Variants in APBA2 observed in about 807,000 individuals in gnomAD.
APBA2 encodes the protein amyloid beta precursor protein binding family A member 2.
APBA2 carries 30 observed loss-of-function variants against 75.0 expected under a neutral mutation model. The observed-to-expected ratio is 0.40, with a 90% CI of 0.30 to 0.54. The LOEUF is 0.54. Ranked by LOEUF, APBA2 falls within the 20% of genes least tolerant of loss-of-function variation. APBA2 has a pLI of 0.49. For synonymous variants in APBA2, 444 were observed against 409.6 expected, an observed-to-expected ratio of 1.08 and a Z score of -1.01; for missense variants, 801 against 1,016.1, an observed-to-expected ratio of 0.79 and a Z score of 2.88.
intron 3 of APBA2, among the ~76,000 whole-genome samples, chr15:29,022,605 C>G (rs7176481): frequency 1.3e-5 from 2 of 151,708 alleles, no homozygotes; most frequent in African/African-American, 4.9e-5. Flanking sequence ...TATGGTAAAT[C>G]ATTATAGATG....
chr15:29,017,170 A>G (rs2039704095), intron 3 of APBA2, among the ~76,000 whole-genome samples: 1 of 151,944 alleles, frequency 6.6e-6, no homozygotes, highest in Non-Finnish European at 1.5e-5. Flanking sequence ...GGGCATCTGA[A>G]GGGCTGTGGT....
At chr15:29,011,959 G>T (rs193301631) in intron 3 of APBA2, among the ~76,000 whole-genome samples, 83 of 152,070 alleles carry the variant, frequency 5.5e-4, no homozygotes, top group African/African-American at 1.9e-3. Context: ...ACCAATATAG[G>T]TATATAAACT....
intron 3 of APBA2, among the ~76,000 whole-genome samples, chr15:29,003,657 T>A (rs59065220): frequency 0.079 from 12,007 of 152,248 alleles, 644 homozygotes; most frequent in East Asian, 0.27. Flanking sequence ...TTGTGAGGAA[T>A]CTGCACACGT....
intron 3 of APBA2, among the ~76,000 whole-genome samples, chr15:29,015,841 A>G (rs1381124812): frequency 2.0e-5 from 3 of 152,204 alleles, no homozygotes; most frequent in African/African-American, 7.2e-5. Flanking sequence ...GCCACCAGCC[A>G]TGTGACCCGG....
At chr15:28,888,320 G>T (rs1184786964) in intron 1 of APBA2, among the ~76,000 whole-genome samples, 8 of 152,202 alleles carry the variant, frequency 5.3e-5, no homozygotes. Context: ...AAGACACCTT[G>T]ATTTTTCCTA....
chr15:29,098,795 G>A (rs938310956), intron 9 of APBA2, among the ~76,000 whole-genome samples: 14 of 152,122 alleles, frequency 9.2e-5, no homozygotes, highest in African/African-American at 2.4e-4. Context: ...GGAGGTAGGT[G>A]GGAAGACCTG....
intron 3 of APBA2, among the ~76,000 whole-genome samples, chr15:29,006,689 T>G (rs1038591225): frequency 6.6e-6 from 1 of 152,076 alleles, no homozygotes; most frequent in Non-Finnish European, 1.5e-5. Context: ...CCATCAGATC[T>G]CATGAGATTT....
chr15:28,956,058 G>A (rs994676409), intron 2 of APBA2, among the ~76,000 whole-genome samples: 3 of 152,322 alleles, frequency 2.0e-5, no homozygotes, highest in Admixed American at 6.5e-5. Flanking sequence ...GTCCAGCTCT[G>A]GCCTGAGGAC....
chr15:29,114,603 G>A (rs998688566), intron 14 of APBA2, among the ~76,000 whole-genome samples: 9 of 151,930 alleles, frequency 5.9e-5, no homozygotes, highest in Non-Finnish European at 1.3e-4. Flanking sequence ...TAGTGTGAGC[G>A]AGTGTGGGTG....
At chr15:28,986,073 T>G (rs1421717328) in intron 2 of APBA2, among the ~76,000 whole-genome samples, 2 of 152,200 alleles carry the variant, frequency 1.3e-5, no homozygotes. Flanking sequence ...AATATCGTAA[T>G]GCAGTAAATC....
chr15:28,975,694 C>T (rs1388081021), intron 2 of APBA2, among the ~76,000 whole-genome samples: 1 of 152,120 alleles, frequency 6.6e-6, no homozygotes, highest in African/African-American at 2.4e-5. Flanking sequence ...GGGAGGGACA[C>T]CATAAGCAAA....
intron 3 of APBA2, among the ~76,000 whole-genome samples, chr15:29,006,451 A>G (rs2039119614): frequency 6.6e-6 from 1 of 152,242 alleles, no homozygotes; most frequent in South Asian, 2.1e-4. Flanking sequence ...AGATTAGAAG[A>G]CAATATTGTT....
At chr15:28,927,589 T>C (rs1298118572) in intron 2 of APBA2, among the ~76,000 whole-genome samples, 3 of 151,628 alleles carry the variant, frequency 2.0e-5, no homozygotes, top group Admixed American at 6.6e-5. Flanking sequence ...TATTATTATT[T>C]TTTTATTTTT....
intron 1 of APBA2, among the ~76,000 whole-genome samples, chr15:28,907,810 T>G (rs993606085): frequency 1.3e-5 from 2 of 152,170 alleles, no homozygotes; most frequent in Non-Finnish European, 2.9e-5. Flanking sequence ...GGGCGACCCT[T>G]TCAGCCATAA....
chr15:29,056,245 G>A (rs1011736514), intron 4 of APBA2, among the ~76,000 whole-genome samples: 1 of 152,194 alleles, frequency 6.6e-6, no homozygotes, highest in Non-Finnish European at 1.5e-5. Context: ...AAAACACAGA[G>A]ATCTTGCGAT....
At chr15:29,082,371 G>A (rs1042654974) in intron 6 of APBA2, among the ~76,000 whole-genome samples, 1 of 152,206 alleles carries the variant, frequency 6.6e-6, no homozygotes, top group Non-Finnish European at 1.5e-5. Context: ...ACCTTTTTGT[G>A]TGTGTGGTGA....
At position 28,918,324 on chromosome 15, in the gene APBA2, C is replaced by A. The variant is rs565354810; in HGVS notation, c.-204-3316C>A. On this transcript the variant is annotated intron_variant, in intron 1 of 14. Coordinates refer to ENST00000683413, the MANE Select transcript of APBA2 (RefSeq NM_001353788.2). The surrounding 1 kb of genome is among the most constrained non-coding windows in gnomAD (Gnocchi z 4.2). Reference sequence around the variant, plus strand: ...TCTTTATTTTGGAATGGCCACCTGGCCAACTGGCACACAGGGAGAACTCAT... The same window carrying A: ...TCTTTATTTTGGAATGGCCACCTGGACAACTGGCACACAGGGAGAACTCAT... Among the ~76,000 whole-genome samples, 1 of 152,296 alleles carries A rather than the reference C, an allele frequency of 6.6e-6. No homozygotes were observed. Among genetic ancestry groups the A allele is most frequent in the African/African-American group, 2.4e-5 (1 of 41,580 alleles).
intron 2 of APBA2, among the ~76,000 whole-genome samples, chr15:28,952,806 A>T (rs543595283): frequency 3.7e-4 from 57 of 152,338 alleles, no homozygotes; most frequent in South Asian, 6.2e-4. Context: ...ACATGTATTT[A>T]TCTTCTTAGC....
chr15:28,983,644 G>A (rs11630839), intron 2 of APBA2, among the ~76,000 whole-genome samples: 7,089 of 152,256 alleles, frequency 0.047, 240 homozygotes, highest in Non-Finnish European at 0.074. Flanking sequence ...CACCCACCTC[G>A]CGGTGTAGGA....
Sources: allele counts gnomAD v4.1 joint callset (sites outside exome capture counted in the v4.1 genomes callset), GRCh38; gene constraint gnomAD v4.1.1; non-coding constraint Gnocchi (gnomAD v3.1); transcripts MANE v1.5; gene names NCBI Gene and HGNC (gene_info 2026-07-23, HGNC 2026-07-21).